The following VPS37B variants were observed in gnomAD, a reference collection of about 807,000 sequenced individuals.
VPS37B encodes the protein VPS37B subunit of ESCRT-I.
VPS37B carries 11 observed loss-of-function variants against 21.2 expected under a neutral mutation model. The ratio of observed to expected loss-of-function variants is 0.52; its 90% CI spans 0.33 to 0.86. VPS37B has a LOEUF of 0.86. Among genes scored for constraint, VPS37B ranks in the 40% least tolerant of loss-of-function variants. VPS37B has a pLI of 0.03. For synonymous variants in VPS37B, 175 were observed against 159.6 expected, an observed-to-expected ratio of 1.10 and a Z score of -0.73; for missense variants, 389 against 374.8, an observed-to-expected ratio of 1.04 and a Z score of -0.31.
intron 1 of VPS37B, among the ~76,000 whole-genome samples, chr12:122,890,450 G>A (rs1349614842): frequency 1.3e-5 from 2 of 151,598 alleles, no homozygotes; most frequent in African/African-American, 4.9e-5. Context: ...TCCCACCTCA[G>A]CCTCCTGAAT....
intron 1 of VPS37B, chr12:122,882,036 T>A (rs1444480515): frequency 2.0e-5 from 3 of 152,208 alleles, no homozygotes; most frequent in African/African-American, 7.2e-5. Context: ...CTAGCTACAA[T>A]GCCATAATCA....
In VPS37B at chr12:122,870,958, C is replaced by T. The variant is rs761502771; in HGVS notation, c.215G>A (p.Arg72His). The T allele has an allele frequency of 4.3e-6, 7 of 1,614,186 alleles. No individual in the cohort carries two copies. Among genetic ancestry groups the T allele is most frequent in the Non-Finnish European group, 5.9e-6 (7 of 1,180,040 alleles). Residue 72 changes from arginine (R) to histidine (H), a missense_variant, in exon 2 of 4, where the codon CGC (arginine) becomes CAC (histidine). Physicochemically the swap from Arg to His is conservative, Grantham distance 29. Coordinates refer to ENST00000267202, the MANE Select transcript of VPS37B (RefSeq NM_024667.3). Reference sequence around the variant, plus strand: ...GAGTTCCTGGTATTTCTGGGTCAAGCGTGCTTTCAACGTGTCCAGCTGGGG... The same window carrying T: ...GAGTTCCTGGTATTTCTGGGTCAAGTGTGCTTTCAACGTGTCCAGCTGGGG... The part of the protein sequence containing the change: ...YQPQLDTLKA[R>H]LTQKYQELQV...
intron 2 of VPS37B, among the ~76,000 whole-genome samples, chr12:122,869,401 G>A (rs1308484902): frequency 6.6e-6 from 1 of 152,236 alleles, no homozygotes; most frequent in African/African-American, 2.4e-5. Flanking sequence ...GGCTGTGGCA[G>A]TGCAGCCTGC....
At chr12:122,880,180 TG>T (rs1214512871) in intron 1 of VPS37B, 16 of 152,232 alleles carry the variant, frequency 1.1e-4, no homozygotes, top group African/African-American at 3.6e-4. Flanking sequence ...TAAGCTTTTT[TG>T]AAGATTAGCC....
chr12:122,866,922 C>A lies in VPS37B; in HGVS notation c.*194G>T. On this transcript the variant is annotated 3_prime_UTR_variant, in exon 4 of 4. Transcript: ENST00000267202. The stretch of plus-strand genomic sequence containing the variant: ...GCACAGGTGTCAGGCTGTAACCCGG[C>A]ACACACAACTGCCTTGATGCCCAAA... The A allele has an allele frequency of 1.8e-6, 1 of 567,878 alleles. No homozygotes were observed. Among genetic ancestry groups the A allele is most frequent in the Non-Finnish European group, 2.8e-6 (1 of 357,970 alleles). 35.2% of individuals were successfully genotyped at this position (567,878 alleles called of 1,614,324 possible).
chr12:122,872,206 A>C, intron 1 of VPS37B: 1 of 985,504 alleles, frequency 1.0e-6, no homozygotes, highest in Non-Finnish European at 1.2e-6. Flanking sequence ...CGCTCACACG[A>C]GTGCACACGC....
At position 122,895,380 on chromosome 12, in the gene VPS37B, C is replaced by T. The variant is rs1442394311; in HGVS notation, c.111+572G>A. ...GCTGCCTCAGTCCCCCTGGTTGTCC[C>T]CAACCTTTCCTCTCAAAGGAAACCC... On this transcript the variant is annotated intron_variant, in intron 1 of 3. Coordinates refer to ENST00000267202, the MANE Select transcript of VPS37B (RefSeq NM_024667.3). Among the ~76,000 whole-genome samples, 4 of 150,542 alleles carry T rather than the reference C, an allele frequency of 2.7e-5. No homozygotes were observed. In the East Asian group the frequency reaches 7.9e-4, roughly 30 times the overall value.
chr12:122,870,984 C>G lies in VPS37B; in HGVS notation c.189G>C (p.Gln63His), dbSNP rs1397532695. The G allele has an allele frequency of 6.2e-7, 1 of 1,614,202 alleles. No individual in the cohort carries two copies. The highest frequency in any genetic ancestry group is 1.7e-5 in the Admixed American group (1 of 60,032). Residue 63 changes from glutamine to histidine, a missense_variant, in exon 2 of 4, where the codon CAG becomes CAC. By Grantham distance (24) the Gln-to-His change is conservative. Transcript: ENST00000267202. Reference protein sequence around the residue: ...RSLAEGNLLYQPQLDTLKARL... With the variant: ...RSLAEGNLLYHPQLDTLKARL... ...GTGCTTTCAACGTGTCCAGCTGGGGCTGGTACAAAAGGTTTCCTTCTGCCA... is the reference window on the plus strand; with the variant it reads ...GTGCTTTCAACGTGTCCAGCTGGGGGTGGTACAAAAGGTTTCCTTCTGCCA...
In VPS37B at chr12:122,865,763, C is replaced by T. The variant is rs2033885725; in HGVS notation, c.*1353G>A. 1 of 152,280 alleles carries T rather than the reference C, an allele frequency of 6.6e-6. No individual in the cohort carries two copies. The highest frequency in any genetic ancestry group is 1.5e-5 in the Non-Finnish European group (1 of 68,082). 9.4% of individuals were successfully genotyped at this position (152,280 alleles called of 1,614,324 possible). A position where few individuals can be genotyped will look rare whatever the true frequency, so the allele number is the denominator to read the frequency against. The stretch of plus-strand genomic sequence containing the variant: ...AGGCACAGGTCGGGGCCCTGGATGC[C>T]CGACAAGTGACAGGGGAGGGGCGGG... On this transcript the variant is annotated 3_prime_UTR_variant, in exon 4 of 4. Transcript: ENST00000267202.
At chr12:122,888,507 T>C (rs1453536812) in intron 1 of VPS37B, 1 of 455,624 alleles carries the variant, frequency 2.2e-6, no homozygotes, top group Non-Finnish European at 4.4e-6. Flanking sequence ...CTAGATCACC[T>C]CCCACTGCGT....
rs774817063 is a variant in VPS37B at position 122,867,646 on chromosome 12, T to G, written c.367-39A>C. The G allele has an allele frequency of 2.5e-6, 4 of 1,604,726 alleles. No homozygotes were observed. Among genetic ancestry groups the G allele is most frequent in the Non-Finnish European group, 3.4e-6 (4 of 1,179,820 alleles). On this transcript the variant is annotated intron_variant, in intron 3 of 3. Coordinates refer to ENST00000267202, the MANE Select transcript of VPS37B (RefSeq NM_024667.3). The surrounding 1 kb of genome is among the most constrained non-coding windows in gnomAD (Gnocchi z 5.5). ...AAACCTGGTTACAGGGACAGCCAGA[T>G]GGGGAGGATGCTCCCTTCGTGGTCT...
chr12:122,875,223 A>ATTTTTTTTTTTT (rs34993068), intron 1 of VPS37B: 11 of 96,026 alleles, frequency 1.1e-4, no homozygotes, highest in Non-Finnish European at 1.6e-4. Context: ...CACCTGGCTA[A>ATTTTTTTTTTTT]TTTTTTTTTT....
intron 1 of VPS37B, chr12:122,880,519 G>A (rs1033075981): frequency 2.0e-5 from 3 of 151,954 alleles, no homozygotes; most frequent in South Asian, 2.1e-4. Flanking sequence ...TGAGAGCCTC[G>A]AAGCCACTAT....
At chr12:122,872,805 T>C (rs1210317255) in intron 1 of VPS37B, 3 of 629,460 alleles carry the variant, frequency 4.8e-6, no homozygotes, top group Non-Finnish European at 5.9e-6. Flanking sequence ...TGAAAACTTA[T>C]ATTCAACAAA....
At chr12:122,891,196 G>C (rs1158239593) in intron 1 of VPS37B, among the ~76,000 whole-genome samples, 2 of 152,196 alleles carry the variant, frequency 1.3e-5, no homozygotes, top group Non-Finnish European at 2.9e-5. Flanking sequence ...ACCACTGTGT[G>C]ATGCCACCCA....
intron 2 of VPS37B, among the ~76,000 whole-genome samples, chr12:122,869,187 G>A (rs1285126315): frequency 1.3e-5 from 2 of 152,210 alleles, no homozygotes; most frequent in African/African-American, 4.8e-5. Flanking sequence ...CCATCACTCT[G>A]TAGACGGACA....
At chr12:122,887,405 G>A (rs1479506094) in intron 1 of VPS37B, 1 of 152,294 alleles carries the variant, frequency 6.6e-6, no homozygotes, top group Non-Finnish European at 1.5e-5. Flanking sequence ...ACTGCCTTTT[G>A]GGCCTCAGCC....
At chr12:122,871,525 G>T in intron 1 of VPS37B, 1 of 986,388 alleles carries the variant, frequency 1.0e-6, no homozygotes, top group African/African-American at 1.7e-5. Flanking sequence ...CAGGCTAAGA[G>T]GTCCAACCAG....
chr12:122,867,200 C>T lies in VPS37B; in HGVS notation c.774G>A (p.Gln258=), dbSNP rs2135692441. The T allele has an allele frequency of 6.4e-7, 1 of 1,572,544 alleles. No homozygotes were observed. The highest frequency in any genetic ancestry group is 1.8e-4 in the Middle Eastern group (1 of 5,688). ...GAGGTGGCGGATATGGGGACACGAACTGCGAAGAGAATCCTTGCTGAGTGG... is the reference window on the plus strand; with the variant it reads ...GAGGTGGCGGATATGGGGACACGAATTGCGAAGAGAATCCTTGCTGAGTGG... ...GLPTQQGFSS[Q]FVSPYPPPLP... The change falls in exon 4 of 4, where the codon CAG becomes CAA. Residue 258 remains glutamine (Q), a synonymous_variant. Coordinates refer to ENST00000267202, the MANE Select transcript of VPS37B (RefSeq NM_024667.3). The surrounding 1 kb of genome is among the most constrained non-coding windows in gnomAD (Gnocchi z 5.5).
Sources: gnomAD v4.1 joint callset for allele counts (sites outside exome capture counted in the v4.1 genomes callset) on GRCh38, gnomAD v4.1.1 for gene constraint, Gnocchi (gnomAD v3.1) non-coding constraint, MANE v1.5 for transcripts, NCBI Gene and HGNC (gene_info 2026-07-23, HGNC 2026-07-21) for gene names.